The following SLC7A14 variants were observed in gnomAD, a reference collection of about 807,000 sequenced individuals.
The protein encoded by SLC7A14 is solute carrier family 7 member 14.
SLC7A14 carries 37 observed loss-of-function variants against 60.2 expected under a neutral mutation model. The ratio of observed to expected loss-of-function variants is 0.61; its 90% CI spans 0.47 to 0.81. The LOEUF is 0.81. Ranked by LOEUF, SLC7A14 falls within the 30% of genes least tolerant of loss-of-function variation. The probability of loss-of-function intolerance (pLI) is 0.00; values close to 1 mark genes in which losing one functional copy is unlikely to be tolerated. For synonymous variants in SLC7A14, 399 were observed against 395.8 expected (o/e 1.01, Z -0.10); for missense variants, 886 against 982.7 (o/e 0.90, Z 1.32).
chr3:170,499,768 G>T (rs1712544526), intron 3 of SLC7A14, among the ~76,000 whole-genome samples: 1 of 152,190 alleles, frequency 6.6e-6, no homozygotes, highest in African/African-American at 2.4e-5. Context: ...CTATAGAGTG[G>T]AAAAGGCACT....
At chr3:170,483,262 C>G in intron 6 of SLC7A14, 52 bp downstream of exon 6, 1 of 1,597,402 alleles carries the variant, frequency 6.3e-7, no homozygotes, top group Non-Finnish European at 8.6e-7. Context: ...TAGACATTCT[C>G]CCTGGACAGA....
intron 1 of SLC7A14, among the ~76,000 whole-genome samples, chr3:170,554,920 G>T (rs2108307071): frequency 6.6e-6 from 1 of 152,256 alleles, no homozygotes; most frequent in South Asian, 2.1e-4. Context: ...TGTAATCCCA[G>T]CACTTTGGGA....
At chr3:170,584,743 C>T (rs868626525) in intron 1 of SLC7A14, among the ~76,000 whole-genome samples, 5 of 152,120 alleles carry the variant, frequency 3.3e-5, no homozygotes, top group African/African-American at 9.7e-5. Context: ...TGCACTCAGT[C>T]GGAGGAGGAG....
intron 3 of SLC7A14, 45 bp from the exon 4 acceptor site, chr3:170,498,929 G>A: frequency 5.0e-6 from 8 of 1,596,402 alleles, no homozygotes; most frequent in Non-Finnish European, 6.9e-6. Context: ...AGGGAAGAAA[G>A]GGCCATGCAA....
chr3:170,566,284 G>T (rs917446451), intron 1 of SLC7A14, among the ~76,000 whole-genome samples: 1 of 152,166 alleles, frequency 6.6e-6, no homozygotes, highest in African/African-American at 2.4e-5. Flanking sequence ...TTTACCGTAA[G>T]TGGAGGAGTC....
chr3:170,498,471 C>T (rs1381226652), intron 4 of SLC7A14, among the ~76,000 whole-genome samples, 196 bp downstream of exon 4: 2 of 151,884 alleles, frequency 1.3e-5, no homozygotes, highest in African/African-American at 2.4e-5. Flanking sequence ...TTAACAAATG[C>T]CTGTGGAAAA....
intron 1 of SLC7A14, among the ~76,000 whole-genome samples, chr3:170,564,276 G>A (rs1291793242): frequency 6.6e-6 from 1 of 152,162 alleles, no homozygotes; most frequent in East Asian, 1.9e-4. Context: ...CTCCGAAAAG[G>A]CACTTCCTGT....
At chr3:170,497,998 C>T (rs1712464274) in intron 4 of SLC7A14, among the ~76,000 whole-genome samples, 1 of 152,204 alleles carries the variant, frequency 6.6e-6, no homozygotes, top group South Asian at 2.1e-4. Flanking sequence ...GCTCAGCTGT[C>T]CTCTGACCTC....
Position 170,480,813 on chromosome 3 carries a change from C to T in SLC7A14, c.1469G>A (p.Gly490Glu). The change falls in exon 7 of 8, where the codon GGA becomes GAA. Residue 490 changes from glycine (G) to glutamate (E), a missense_variant. Coordinates refer to ENST00000231706, the MANE Select transcript of SLC7A14 (RefSeq NM_020949.3). ...TCGAKNLPSL[G>E]DNEMLIGKSD... ...TTTCCCTATGAGCATCTCATTGTCT[C>T]CCAAGGATGGTAAGTTCTTGGCCCC... 1 of 1,614,130 alleles carries T rather than the reference C, an allele frequency of 6.2e-7. No homozygotes were observed. Among genetic ancestry groups the T allele is most frequent in the Non-Finnish European group, 8.5e-7 (1 of 1,180,038 alleles).
At chr3:170,522,092 AAAAC>A (rs1035869454) in intron 2 of SLC7A14, among the ~76,000 whole-genome samples, 17 of 152,204 alleles carry the variant, frequency 1.1e-4, no homozygotes, top group South Asian at 4.1e-4. Flanking sequence ...TTAAAATGGC[AAAAC>A]AAACAAACAA....
chr3:170,526,253 T>G (rs1030273093), intron 2 of SLC7A14, among the ~76,000 whole-genome samples: 3 of 151,114 alleles, frequency 2.0e-5, no homozygotes, highest in African/African-American at 7.3e-5. Context: ...AATACAAAAA[T>G]TAGCCGGGCG....
At chr3:170,557,326 C>T (rs1714514251) in intron 1 of SLC7A14, among the ~76,000 whole-genome samples, 1 of 151,984 alleles carries the variant, frequency 6.6e-6, no homozygotes, top group African/African-American at 2.4e-5. Flanking sequence ...AGTTCTGCTG[C>T]CCAGCCGAGC....
intron 1 of SLC7A14, among the ~76,000 whole-genome samples, chr3:170,560,568 A>G (rs1714619258): frequency 6.6e-6 from 1 of 152,150 alleles, no homozygotes; most frequent in African/African-American, 2.4e-5. Flanking sequence ...TTAAGTAGCA[A>G]TTTTAAAGTC....
rs540637767 is a variant in SLC7A14 at position 170,469,095 on chromosome 3, G to T, written c.1994-1718C>A. On this transcript the variant is annotated intron_variant, in intron 7 of 7. Transcript: ENST00000231706. ...CCCACACTATGGCCTAGGCACTGGG[G>T]TCCATACAGTATGCAACCTCCTTCC... Among the ~76,000 whole-genome samples the T allele has an allele frequency of 1.8e-4, 27 of 152,238 alleles. No homozygotes were observed. The South Asian group carries it at 4.4e-3, about 25-fold the overall frequency.
intron 2 of SLC7A14, among the ~76,000 whole-genome samples, chr3:170,511,535 C>T (rs191985554): frequency 2.0e-5 from 3 of 152,156 alleles, no homozygotes; most frequent in East Asian, 1.9e-4. Context: ...TATGAGTCAT[C>T]GAAGGACAGG....
Position 170,480,943 on chromosome 3 carries a change from C to T in SLC7A14, c.1339G>A (p.Glu447Lys). 1 of 1,613,996 alleles carries T rather than the reference C, an allele frequency of 6.2e-7. No homozygotes were observed. Among genetic ancestry groups the T allele is most frequent in the South Asian group, 1.1e-5 (1 of 91,064 alleles). The change falls in exon 7 of 8, where the codon GAG (glutamate) becomes AAG (lysine). Residue 447 changes from glutamate (E) to lysine (K), a missense_variant. Transcript: ENST00000231706. The stretch of plus-strand genomic sequence containing the variant: ...ATGCCCTCCTTCTTCTTGGTGTGCT[C>T]CTCAGACAAGAACTTGACAAAACCA... ...IDGFVKFLSE[E>K]HTKKKEGILA...
intron 1 of SLC7A14, among the ~76,000 whole-genome samples, chr3:170,546,764 C>T (rs1268357158): frequency 6.6e-6 from 1 of 152,084 alleles, no homozygotes; most frequent in Non-Finnish European, 1.5e-5. Context: ...GTGATTTGAT[C>T]AGTCTTTCAC....
chr3:170,563,920 A>G (rs1171750743), intron 1 of SLC7A14, among the ~76,000 whole-genome samples: 1 of 152,236 alleles, frequency 6.6e-6, no homozygotes, highest in African/African-American at 2.4e-5. Flanking sequence ...ACTGATAGGA[A>G]TCCTGGTGAT....
intron 2 of SLC7A14, among the ~76,000 whole-genome samples, chr3:170,503,678 A>G (rs976534135): frequency 1.3e-5 from 2 of 152,230 alleles, no homozygotes; most frequent in African/African-American, 4.8e-5. Flanking sequence ...GCAGGCATCG[A>G]TTTGATTGCA....
Sources: allele counts gnomAD v4.1 joint callset (sites outside exome capture counted in the v4.1 genomes callset), GRCh38; gene constraint gnomAD v4.1.1; transcripts MANE v1.5; gene names NCBI Gene and HGNC (gene_info 2026-07-23, HGNC 2026-07-21).